The following GHR variants were observed in gnomAD, a reference collection of about 807,000 sequenced individuals.
GHR encodes GH receptor.
GHR carries 35 observed loss-of-function variants against 67.1 expected under a neutral mutation model. The observed-to-expected ratio is 0.52, with a 90% confidence interval of 0.40 to 0.69. The LOEUF (loss-of-function observed/expected upper bound fraction) is 0.69, where lower values mean the gene tolerates loss of function less well. Among genes scored for constraint, GHR ranks in the 30% least tolerant of loss-of-function variants. The pLI, the probability that GHR is intolerant of heterozygous loss-of-function variation, is 0.00. For missense variants in GHR, 792 were observed against 764.6 expected, an observed-to-expected ratio of 1.04 and a Z score of -0.42; for synonymous variants, 272 against 269.1, an observed-to-expected ratio of 1.01 and a Z score of -0.10.
chr5:42,430,654 A>G (rs1452404279), intron 1 of GHR, among the ~76,000 whole-genome samples: 1 of 136,964 alleles, frequency 7.3e-6, no homozygotes, highest in Non-Finnish European at 1.6e-5. Context: ...GTGTTTCTTC[A>G]CTTTATCCCC....
At chr5:42,617,684 C>T in intron 2 of GHR, among the ~76,000 whole-genome samples, 1 of 152,126 alleles carries the variant, frequency 6.6e-6, no homozygotes. Flanking sequence ...TGTCCTTGTT[C>T]TGCCAAAAAG....
intron 1 of GHR, among the ~76,000 whole-genome samples, chr5:42,526,603 A>G (rs1360791750): frequency 6.6e-6 from 1 of 152,224 alleles, no homozygotes; most frequent in African/African-American, 2.4e-5. Context: ...GCTGGGCTTT[A>G]AGACTTCAAA....
chr5:42,623,886 T>C (rs1174762345), intron 2 of GHR, among the ~76,000 whole-genome samples: 1 of 152,224 alleles, frequency 6.6e-6, no homozygotes, highest in African/African-American at 2.4e-5. Context: ...TGTGATTCTC[T>C]GCTTATGGTC....
chr5:42,561,750 G>A (rs1273716298), intron 1 of GHR, among the ~76,000 whole-genome samples: 1 of 152,194 alleles, frequency 6.6e-6, no homozygotes, highest in East Asian at 1.9e-4. Context: ...AATCCCTCCT[G>A]CTGAAAATCT....
chr5:42,446,540 T>A (rs1407593078), intron 1 of GHR, among the ~76,000 whole-genome samples: 4 of 152,228 alleles, frequency 2.6e-5, no homozygotes, highest in African/African-American at 7.2e-5. Flanking sequence ...GAATTTCTTA[T>A]GTCAGTAAGT....
rs1759011143 is a variant in GHR, at chr5:42,721,283, AT to A, written c.*1860del. Reference sequence around the variant, plus strand: ...CTGAAAAGGTTTATGAAAAAGAAGAATCTCATCTCAGTGAAGAATACTTCTC... The same window carrying A: ...CTGAAAAGGTTTATGAAAAAGAAGAACTCATCTCAGTGAAGAATACTTCTC... On this transcript the variant is annotated 3_prime_UTR_variant, in exon 10 of 10. Transcript: ENST00000230882. 2 of 152,268 alleles carry A rather than the reference AT, an allele frequency of 1.3e-5. No individual in the cohort carries two copies. Among genetic ancestry groups the A allele is most frequent in the South Asian group, 4.1e-4 (2 of 4,820 alleles). The allele number at this position is 152,268 out of a possible 1,614,324, so 9.4% of individuals were successfully genotyped here.
intron 1 of GHR, among the ~76,000 whole-genome samples, chr5:42,442,204 TGAG>T (rs1238231239): frequency 6.6e-6 from 1 of 152,044 alleles, no homozygotes; most frequent in Admixed American, 6.5e-5. Flanking sequence ...TTCAGATATT[TGAG>T]GAGGACAGAG....
intron 1 of GHR, among the ~76,000 whole-genome samples, chr5:42,534,369 T>A (rs1296820175): frequency 7.1e-6 from 1 of 140,720 alleles, no homozygotes; most frequent in Non-Finnish European, 1.5e-5. Context: ...TACATGTGTA[T>A]ATGTGTATAT....
chr5:42,555,405 C>CTCTGTCTT (rs1749255185), intron 1 of GHR, among the ~76,000 whole-genome samples: 1 of 152,166 alleles, frequency 6.6e-6, no homozygotes, highest in East Asian at 1.9e-4. Flanking sequence ...CCAAATATTA[C>CTCTGTCTT]TCTGTCTTTT....
intron 1 of GHR, among the ~76,000 whole-genome samples, chr5:42,553,981 C>T (rs1424706551): frequency 6.6e-6 from 1 of 152,068 alleles, no homozygotes; most frequent in Non-Finnish European, 1.5e-5. Context: ...TTTCTTTTCT[C>T]TTCTTCTGCT....
chr5:42,431,198 A>G (rs1450155561), intron 1 of GHR, among the ~76,000 whole-genome samples: 2 of 152,204 alleles, frequency 1.3e-5, no homozygotes, highest in Admixed American at 6.5e-5. Flanking sequence ...ATTAAATAAA[A>G]TAGATAAAAA....
intron 1 of GHR, among the ~76,000 whole-genome samples, chr5:42,461,631 T>C (rs1323056404): frequency 6.6e-6 from 1 of 152,316 alleles, no homozygotes; most frequent in East Asian, 1.9e-4. Context: ...AGTAGGAGAA[T>C]TCTGTGTTTA....
intron 1 of GHR, among the ~76,000 whole-genome samples, chr5:42,545,234 A>T (rs1404134204): frequency 2.0e-5 from 3 of 152,200 alleles, no homozygotes; most frequent in African/African-American, 7.2e-5. Context: ...TTCTCAATCT[A>T]ATCAATTAAT....
intron 3 of GHR, among the ~76,000 whole-genome samples, chr5:42,641,234 A>G (rs1455794899): frequency 1.3e-5 from 2 of 151,974 alleles, no homozygotes; most frequent in African/African-American, 4.8e-5. Context: ...GAGCACCTTC[A>G]CCCCTTACTG....
chr5:42,652,649 A>G (rs1343042925), intron 3 of GHR, among the ~76,000 whole-genome samples: 7 of 152,156 alleles, frequency 4.6e-5, no homozygotes, highest in Non-Finnish European at 2.9e-5. Context: ...GATAGTATTT[A>G]TATTGTGTTT....
intron 1 of GHR, among the ~76,000 whole-genome samples, chr5:42,551,912 T>G (rs1398254748): frequency 6.6e-6 from 1 of 152,234 alleles, no homozygotes; most frequent in Non-Finnish European, 1.5e-5. Flanking sequence ...AAAATGTTAT[T>G]CATATAGCTT....
chr5:42,498,008 G>T (rs1746390711), intron 1 of GHR, among the ~76,000 whole-genome samples: 1 of 152,168 alleles, frequency 6.6e-6, no homozygotes, highest in Non-Finnish European at 1.5e-5. Context: ...CAAGGGGGAG[G>T]TTGGAAGTGG....
chr5:42,428,910 T>C (rs184126984), intron 1 of GHR, among the ~76,000 whole-genome samples: 1 of 152,290 alleles, frequency 6.6e-6, no homozygotes, highest in East Asian at 1.9e-4. Context: ...CTCTAGAAAG[T>C]TCCAAACTTT....
intron 1 of GHR, among the ~76,000 whole-genome samples, chr5:42,517,927 C>T (rs1747312517): frequency 6.6e-6 from 1 of 151,864 alleles, no homozygotes; most frequent in African/African-American, 2.4e-5. Flanking sequence ...TGTTTCCTTC[C>T]TGATATTCTT....
Sources: allele counts gnomAD v4.1 joint callset (sites outside exome capture counted in the v4.1 genomes callset), GRCh38; gene constraint gnomAD v4.1.1; transcripts MANE v1.5; gene names NCBI Gene and HGNC (gene_info 2026-07-23, HGNC 2026-07-21).